The following L3MBTL4 variants were observed in gnomAD, a reference collection of about 807,000 sequenced individuals.
The protein encoded by L3MBTL4 is lethal(3)malignant brain tumor-like protein 4.
Under a neutral mutation model 84.5 loss-of-function variants are expected in L3MBTL4, and 70 were observed. The ratio of observed to expected loss-of-function variants is 0.83; its 90% CI spans 0.68 to 1.01. L3MBTL4 has a LOEUF of 1.01. L3MBTL4 is among the 50% of genes least tolerant of loss of function. The probability of loss-of-function intolerance (pLI) is 0.00; values close to 1 mark genes in which losing one functional copy is unlikely to be tolerated. For synonymous variants in L3MBTL4, 274 were observed against 259.8 expected (o/e 1.05, Z -0.52); for missense variants, 715 against 754.8 (o/e 0.95, Z 0.62).
intron 16 of L3MBTL4, among the ~76,000 whole-genome samples, chr18:6,006,041 A>G (rs1405117951): frequency 6.6e-6 from 1 of 152,072 alleles, no homozygotes; most frequent in Non-Finnish European, 1.5e-5. Context: ...CACTGAAGCC[A>G]CATCTATAAC....
In L3MBTL4 at chr18:6,393,454, C is replaced by T. The variant is rs536281387; in HGVS notation, c.-91+21347G>A. ...ATGAAAGCCCACAATGCTCCAACAA[C>T]TAATGCTAATGCTAGAAGCTAACAT... is the stretch of plus-strand genomic sequence containing the variant. On this transcript the variant is annotated intron_variant, in intron 1 of 18. Transcript: ENST00000317931. 1.4e-4 allele frequency among the ~76,000 whole-genome samples: 21 copies of T among 152,308 alleles called. No homozygotes were observed. The South Asian group carries it at 4.1e-3, about 30-fold the overall frequency.
chr18:5,976,809 T>C (rs1192206436), intron 16 of L3MBTL4, among the ~76,000 whole-genome samples: 2 of 152,162 alleles, frequency 1.3e-5, no homozygotes, highest in Non-Finnish European at 2.9e-5. Flanking sequence ...AAAGAATGAC[T>C]TTCAAAACTA....
At chr18:6,256,637 T>A (rs1284031776) in intron 5 of L3MBTL4, 1 of 151,626 alleles carries the variant, frequency 6.6e-6, no homozygotes, top group Non-Finnish European at 1.5e-5. Context: ...GTGCCTTGTT[T>A]AGAGAGAAAG....
At chr18:6,102,299 A>G (rs2058858945) in intron 14 of L3MBTL4, among the ~76,000 whole-genome samples, 1 of 152,194 alleles carries the variant, frequency 6.6e-6, no homozygotes, top group Admixed American at 6.5e-5. Context: ...AAGCTTAGAC[A>G]TCTAGCGAAA....
chr18:6,011,356 G>T (rs1271375335), intron 16 of L3MBTL4, among the ~76,000 whole-genome samples: 2 of 152,138 alleles, frequency 1.3e-5, no homozygotes, highest in East Asian at 1.9e-4. Context: ...ATCCTCCCAT[G>T]ACCTCAAAAT....
intron 13 of L3MBTL4, among the ~76,000 whole-genome samples, chr18:6,165,188 A>G (rs2043582120): frequency 6.6e-6 from 1 of 152,206 alleles, no homozygotes; most frequent in South Asian, 2.1e-4. Context: ...ATGTGAAAAG[A>G]CCAAATCTAC....
intron 16 of L3MBTL4, among the ~76,000 whole-genome samples, chr18:6,002,391 A>G (rs923863307): frequency 1.5e-4 from 23 of 152,156 alleles, no homozygotes; most frequent in Admixed American, 7.9e-4. Flanking sequence ...TACATAGACA[A>G]ATATTTAAAA....
chr18:6,313,676 C>A (rs1234636906), intron 1 of L3MBTL4, among the ~76,000 whole-genome samples: 2 of 152,188 alleles, frequency 1.3e-5, no homozygotes. Flanking sequence ...AAATAATACC[C>A]CATGACTTGT....
intron 16 of L3MBTL4, among the ~76,000 whole-genome samples, chr18:6,021,265 G>C (rs778614011): frequency 2.0e-5 from 3 of 152,218 alleles, no homozygotes; most frequent in Non-Finnish European, 4.4e-5. Context: ...GAGCTCTGCA[G>C]AGGCAAAGGA....
rs1292355984 is a variant in L3MBTL4 at position 6,383,150 on chromosome 18, C to T, written c.-91+31651G>A. Among the ~76,000 whole-genome samples the T allele has an allele frequency of 2.0e-5, 3 of 152,210 alleles. 1 individual carries two copies. Among genetic ancestry groups the T allele is most frequent in the African/African-American group, 2.4e-5 (1 of 41,548 alleles). ...CTACTCAAGCCTCAGCAATGGTGGA[C>T]GCCCCTCCCCCAACCAAGCTCAAGT... On this transcript the variant is annotated intron_variant, in intron 1 of 18. Coordinates refer to ENST00000317931, the MANE Select transcript of L3MBTL4 (RefSeq NM_001330559.2).
intron 16 of L3MBTL4, chr18:6,080,125 GCA>G (rs2058023218): frequency 6.6e-6 from 1 of 152,296 alleles, no homozygotes; most frequent in South Asian, 2.1e-4. Flanking sequence ...GCACAGTCCA[GCA>G]CAGTGTGCTA....
chr18:6,026,773 T>C (rs1173086924), intron 16 of L3MBTL4, among the ~76,000 whole-genome samples: 1 of 152,226 alleles, frequency 6.6e-6, no homozygotes, highest in Non-Finnish European at 1.5e-5. Context: ...TTTACTTTAA[T>C]ATTGAATGTT....
intron 16 of L3MBTL4, among the ~76,000 whole-genome samples, chr18:5,972,919 GAATA>G (rs2052724141): frequency 3.0e-5 from 1 of 32,800 alleles, no homozygotes; most frequent in African/African-American, 1.4e-4. Context: ...GAATAGAATA[GAATA>G]GAATAGAATA....
chr18:5,979,532 C>T (rs1401595322), intron 16 of L3MBTL4, among the ~76,000 whole-genome samples: 1 of 152,186 alleles, frequency 6.6e-6, no homozygotes, highest in African/African-American at 2.4e-5. Flanking sequence ...TGACAGATAA[C>T]ACAGCAGTCT....
At chr18:6,031,813 T>G (rs1287150602) in intron 16 of L3MBTL4, 4 of 96,128 alleles carry the variant, frequency 4.2e-5, no homozygotes, top group East Asian at 1.4e-3. Flanking sequence ...GATTCATGGT[T>G]TTTTTTTTTT....
At chr18:6,041,546 G>A (rs2056400721) in intron 16 of L3MBTL4, among the ~76,000 whole-genome samples, 1 of 149,884 alleles carries the variant, frequency 6.7e-6, no homozygotes, top group Non-Finnish European at 1.5e-5. Flanking sequence ...GGCAAAAATG[G>A]CAGTCGGGAA....
chr18:6,093,569 G>C, intron 14 of L3MBTL4, 41 bp from the exon 15 acceptor site: 2 of 1,520,610 alleles, frequency 1.3e-6, no homozygotes, highest in Non-Finnish European at 1.8e-6. Context: ...TCAGTATACA[G>C]TGATAAATCA....
intron 16 of L3MBTL4, among the ~76,000 whole-genome samples, chr18:6,004,272 C>T (rs1214981737): frequency 6.6e-6 from 1 of 152,068 alleles, no homozygotes; most frequent in African/African-American, 2.4e-5. Context: ...AGTTGGATAA[C>T]ACAGATGATA....
chr18:6,344,161 GA>G (rs1299836494), intron 1 of L3MBTL4, among the ~76,000 whole-genome samples: 1 of 151,758 alleles, frequency 6.6e-6, no homozygotes, highest in African/African-American at 2.4e-5. Flanking sequence ...TACTAACAAT[GA>G]AAAAAAGAGA....
Sources: allele counts gnomAD v4.1 joint callset (sites outside exome capture counted in the v4.1 genomes callset), GRCh38; gene constraint gnomAD v4.1.1; transcripts MANE v1.5; gene names NCBI Gene and HGNC (gene_info 2026-07-23, HGNC 2026-07-21).